GBE1: variants seen among roughly 807,000 people sequenced by gnomAD.
GBE1 encodes the protein 1,4-alpha-glucan-branching enzyme.
In GBE1, 70 loss-of-function variants were observed where a neutral mutation model predicts 88.8. The ratio of observed to expected loss-of-function variants is 0.79; its 90% CI spans 0.65 to 0.96. The LOEUF (loss-of-function observed/expected upper bound fraction) is 0.96. GBE1 is among the 40% of genes least tolerant of loss of function. The pLI, the probability that GBE1 is intolerant of heterozygous loss-of-function variation, is 0.00. For missense variants in GBE1, 872 were observed against 871.0 expected, an observed-to-expected ratio of 1.00 and a Z score of -0.01; for synonymous variants, 284 against 300.1, an observed-to-expected ratio of 0.95 and a Z score of 0.56.
At chr3:81,643,087 T>C (rs1704710991) in intron 6 of GBE1, 97 bp from the exon 7 acceptor site, 1 of 788,830 alleles carries the variant, frequency 1.3e-6, no homozygotes, top group Admixed American at 2.6e-5. Context: ...TACTAGATAC[T>C]TTAAATATCC....
At chr3:81,709,362 T>C (rs1308037680) in intron 1 of GBE1, among the ~76,000 whole-genome samples, 1 of 152,132 alleles carries the variant, frequency 6.6e-6, no homozygotes, top group Non-Finnish European at 1.5e-5. Context: ...CTATACTTCT[T>C]GGAATATGGA....
chr3:81,540,913 G>T (rs1327829454), intron 12 of GBE1, among the ~76,000 whole-genome samples: 1 of 151,988 alleles, frequency 6.6e-6, no homozygotes, highest in African/African-American at 2.4e-5. Context: ...ACTGACAGTT[G>T]ATTATATACC....
rs1705581393 is a variant in GBE1 at position 81,695,727 on chromosome 3, C to T, written c.313+9717G>A. On this transcript the variant is annotated intron_variant, in intron 2 of 15. Coordinates refer to ENST00000429644, the MANE Select transcript of GBE1 (RefSeq NM_000158.4). ...TACAAAAAGCGAGAGTATTAACAGG[C>T]CTTCAAGATTTGGGTTAAAACTCAC... 1.3e-5 allele frequency among the ~76,000 whole-genome samples: 2 copies of T among 152,150 alleles called. 1 individual carries two copies. Among genetic ancestry groups the T allele is most frequent in the Middle Eastern group, 6.8e-3 (2 of 294 alleles).
intron 7 of GBE1, among the ~76,000 whole-genome samples, chr3:81,608,318 A>C (rs190955730): frequency 1.2e-3 from 178 of 152,304 alleles, no homozygotes; most frequent in Non-Finnish European, 1.0e-3. Context: ...CCATCTAGTT[A>C]AATCCACGGT....
At chr3:81,660,003 T>G (rs189113200) in intron 3 of GBE1, among the ~76,000 whole-genome samples, 3 of 152,228 alleles carry the variant, frequency 2.0e-5, no homozygotes, top group East Asian at 3.9e-4. Context: ...TTGCCAGGTA[T>G]AGGTGATTTT....
intron 12 of GBE1, among the ~76,000 whole-genome samples, chr3:81,539,666 T>TGACA (rs1340184424): frequency 8.6e-5 from 13 of 151,942 alleles, no homozygotes; most frequent in Non-Finnish European, 2.9e-5. Context: ...CAAGATTTGA[T>TGACA]GACAGACTGA....
rs1280955972 is a variant in GBE1 at position 81,734,601 on chromosome 3, C to T, written c.143+26774G>A. Among the ~76,000 whole-genome samples the T allele has an allele frequency of 2.0e-5, 3 of 152,110 alleles. No individual in the cohort carries two copies. The East Asian group carries it at 5.8e-4, about 29-fold the overall frequency. ...TCAAAAGCATGTTTGCTTTAGGGTA[C>T]TAGTTTGAGATGTTTTCTACATATC... is the stretch of plus-strand genomic sequence containing the variant. On this transcript the variant is annotated intron_variant, in intron 1 of 15. Transcript: ENST00000429644.
intron 7 of GBE1, among the ~76,000 whole-genome samples, chr3:81,616,096 G>A (rs761572712): frequency 1.9e-4 from 29 of 152,124 alleles, no homozygotes; most frequent in Non-Finnish European, 1.6e-4. Flanking sequence ...TAATTGTAGC[G>A]TTTTGACACA....
intron 12 of GBE1, among the ~76,000 whole-genome samples, chr3:81,552,595 C>T (rs1484511178): frequency 6.7e-6 from 1 of 150,112 alleles, no homozygotes; most frequent in Non-Finnish European, 1.5e-5. Flanking sequence ...TCAGCAATGT[C>T]CATAAGTGCA....
intron 1 of GBE1, among the ~76,000 whole-genome samples, chr3:81,718,659 G>T (rs1477339376): frequency 6.6e-6 from 1 of 151,774 alleles, no homozygotes; most frequent in Admixed American, 6.6e-5. Flanking sequence ...TTTTTGAGAT[G>T]GAGTTTTGCT....
At chr3:81,682,720 C>T (rs528621806) in intron 2 of GBE1, among the ~76,000 whole-genome samples, 1 of 152,062 alleles carries the variant, frequency 6.6e-6, no homozygotes, top group Non-Finnish European at 1.5e-5. Context: ...GACAGAGTTA[C>T]CATTAGACAC....
chr3:81,586,726 A>G (rs1703807412), intron 9 of GBE1, among the ~76,000 whole-genome samples: 1 of 152,092 alleles, frequency 6.6e-6, no homozygotes, highest in African/African-American at 2.4e-5. Flanking sequence ...GGTAGGGATT[A>G]TCTTCATTTA....
chr3:81,524,627 G>A (rs1559633339), intron 14 of GBE1, among the ~76,000 whole-genome samples: 1 of 151,834 alleles, frequency 6.6e-6, no homozygotes. Context: ...TTCCACATAA[G>A]GATATCCAGT....
intron 2 of GBE1, among the ~76,000 whole-genome samples, chr3:81,692,099 C>T (rs1705530005): frequency 6.6e-6 from 1 of 152,166 alleles, no homozygotes; most frequent in Non-Finnish European, 1.5e-5. Context: ...GGGACACTCA[C>T]ATTCTGAAAC....
At chr3:81,708,343 AT>A (rs1282683311) in intron 1 of GBE1, among the ~76,000 whole-genome samples, 2 of 152,100 alleles carry the variant, frequency 1.3e-5, no homozygotes, top group African/African-American at 4.8e-5. Context: ...GAGAAATCAA[AT>A]TTATAAACTT....
intron 10 of GBE1, among the ~76,000 whole-genome samples, chr3:81,585,654 G>C (rs571600994): frequency 1.8e-4 from 27 of 152,238 alleles, no homozygotes; most frequent in Non-Finnish European, 1.9e-4. Context: ...GTTGAATAAA[G>C]GAATGGATGA....
At chr3:81,494,469 A>G (rs1702476854) in intron 15 of GBE1, among the ~76,000 whole-genome samples, 1 of 152,208 alleles carries the variant, frequency 6.6e-6, no homozygotes, top group Non-Finnish European at 1.5e-5. Context: ...AAGTAGATTT[A>G]AACACAATCA....
At chr3:81,522,531 C>T (rs1002446762) in intron 14 of GBE1, among the ~76,000 whole-genome samples, 6 of 151,302 alleles carry the variant, frequency 4.0e-5, no homozygotes, top group Non-Finnish European at 5.9e-5. Flanking sequence ...TGCTCTCCTG[C>T]TCCCTTCCTG....
chr3:81,685,030 G>A (rs1010662550), intron 2 of GBE1, among the ~76,000 whole-genome samples: 1 of 152,188 alleles, frequency 6.6e-6, no homozygotes, highest in Non-Finnish European at 1.5e-5. Flanking sequence ...TAGCCTTGTG[G>A]AGGATAACAA....
Sources: gnomAD v4.1 joint callset for allele counts (sites outside exome capture counted in the v4.1 genomes callset) on GRCh38, gnomAD v4.1.1 for gene constraint, MANE v1.5 for transcripts, NCBI Gene and HGNC (gene_info 2026-07-23, HGNC 2026-07-21) for gene names.